TMEM232: variants seen among roughly 807,000 people sequenced by gnomAD.
TMEM232 encodes transmembrane protein 232.
A neutral mutation model predicts 78.8 loss-of-function variants in TMEM232; 80 were observed. That is an observed-to-expected ratio of 1.01 (90% CI 0.85 to 1.22). The LOEUF is 1.22. TMEM232 is among the 50% of genes most tolerant of loss of function. The pLI is 0.00. For missense variants in TMEM232, 881 were observed against 742.2 expected, an observed-to-expected ratio of 1.19 and a Z score of -2.17; for synonymous variants, 297 against 254.3, an observed-to-expected ratio of 1.17 and a Z score of -1.60.
At chr5:110,590,279 T>C (rs1162666431) in intron 10 of TMEM232, among the ~76,000 whole-genome samples, 1 of 152,074 alleles carries the variant, frequency 6.6e-6, no homozygotes, top group Non-Finnish European at 1.5e-5. Context: ...TCCTCTAGAT[T>C]CTTCAAGTTC....
intron 12 of TMEM232, among the ~76,000 whole-genome samples, chr5:110,456,542 AT>A (rs1760922385): frequency 6.6e-6 from 1 of 152,138 alleles, no homozygotes; most frequent in African/African-American, 2.4e-5. Flanking sequence ...AGATAAACTG[AT>A]TATAGAACTT....
intron 10 of TMEM232, among the ~76,000 whole-genome samples, chr5:110,589,277 G>GA (rs1779214681): frequency 6.6e-6 from 1 of 152,082 alleles, no homozygotes; most frequent in Admixed American, 6.6e-5. Flanking sequence ...TATAACATGG[G>GA]AAGTGTTTTA....
chr5:110,640,792 T>G, intron 4 of TMEM232, 99 bp downstream of exon 4: 1 of 746,558 alleles, frequency 1.3e-6, no homozygotes, highest in Non-Finnish European at 1.9e-6. Flanking sequence ...AAATTTCTTG[T>G]CTTCTGCACA....
chr5:110,674,838 T>C (rs1259307212), intron 1 of TMEM232, among the ~76,000 whole-genome samples: 2 of 152,212 alleles, frequency 1.3e-5, no homozygotes, highest in Non-Finnish European at 2.9e-5. Flanking sequence ...AAACTATTTT[T>C]CATTGCAACT....
intron 1 of TMEM232, among the ~76,000 whole-genome samples, chr5:110,677,020 C>T (rs910897410): frequency 6.6e-6 from 1 of 152,126 alleles, no homozygotes; most frequent in African/African-American, 2.4e-5. Flanking sequence ...CATAGCCTCC[C>T]AAAATGCTGG....
At chr5:110,479,098 C>T (rs1286610471) in intron 12 of TMEM232, among the ~76,000 whole-genome samples, 4 of 151,398 alleles carry the variant, frequency 2.6e-5, no homozygotes, top group Non-Finnish European at 5.9e-5. Flanking sequence ...TATATAGCTT[C>T]GTGACTTCCC....
At chr5:110,640,028 C>A (rs561025473) in intron 4 of TMEM232, among the ~76,000 whole-genome samples, 1 of 152,184 alleles carries the variant, frequency 6.6e-6, no homozygotes, top group Non-Finnish European at 1.5e-5. Context: ...TCACCCCCCT[C>A]GGGTTGGGCA....
At chr5:110,608,192 G>A (rs1231515338) in intron 8 of TMEM232, among the ~76,000 whole-genome samples, 1 of 151,734 alleles carries the variant, frequency 6.6e-6, no homozygotes, top group African/African-American at 2.4e-5. Context: ...TAATTTACTT[G>A]TCTATAAAGA....
intron 11 of TMEM232, among the ~76,000 whole-genome samples, chr5:110,554,078 G>A (rs1328148897): frequency 2.0e-5 from 3 of 152,114 alleles, no homozygotes; most frequent in Non-Finnish European, 4.4e-5. Flanking sequence ...GGTTAATACT[G>A]AGTGTCAACT....
intron 12 of TMEM232, among the ~76,000 whole-genome samples, chr5:110,437,011 G>C (rs1328912383): frequency 6.6e-6 from 1 of 151,906 alleles, no homozygotes; most frequent in Admixed American, 6.6e-5. Flanking sequence ...TACTCATAGG[G>C]ATTGCACTGA....
intron 6 of TMEM232, 60 bp downstream of exon 6, chr5:110,627,721 C>A: frequency 1.7e-6 from 2 of 1,176,976 alleles, no homozygotes; most frequent in South Asian, 3.1e-5. Flanking sequence ...TAGTGACAGT[C>A]TGAGCTTATC....
At chr5:110,500,887 G>A (rs376345916) in intron 12 of TMEM232, among the ~76,000 whole-genome samples, 13 of 152,066 alleles carry the variant, frequency 8.5e-5, no homozygotes, top group Non-Finnish European at 1.6e-4. Context: ...TAAAGCTTTA[G>A]GTTTTCATCT....
chr5:110,432,465 CA>C (rs1296192566), intron 12 of TMEM232, among the ~76,000 whole-genome samples: 3 of 151,474 alleles, frequency 2.0e-5, no homozygotes, highest in Non-Finnish European at 3.0e-5. Flanking sequence ...ACTGGCCCTC[CA>C]AAAAATGCTT....
chr5:110,408,044 CA>C (rs1287585620), intron 2 of TMEM232, among the ~76,000 whole-genome samples: 1 of 151,778 alleles, frequency 6.6e-6, no homozygotes, highest in Non-Finnish European at 1.5e-5. Flanking sequence ...AATGGAAATA[CA>C]ACACACCAAA....
intron 2 of TMEM232, among the ~76,000 whole-genome samples, chr5:110,400,541 G>T (rs1191183354): frequency 6.6e-6 from 1 of 151,866 alleles, no homozygotes; most frequent in Non-Finnish European, 1.5e-5. Context: ...ACATACATCA[G>T]ATGTCATATG....
At chr5:110,518,509 C>G (rs1769025187) in intron 12 of TMEM232, among the ~76,000 whole-genome samples, 1 of 152,098 alleles carries the variant, frequency 6.6e-6, no homozygotes, top group Non-Finnish European at 1.5e-5. Context: ...ATGAAATACA[C>G]TAAAGTATTT....
intron 2 of TMEM232, among the ~76,000 whole-genome samples, chr5:110,647,049 G>A (rs1787598349): frequency 6.6e-6 from 1 of 151,624 alleles, no homozygotes; most frequent in South Asian, 2.1e-4. Flanking sequence ...GACTTCCAGA[G>A]AGTTATAATT....
chr5:110,398,980 G>T (rs1321591067), intron 2 of TMEM232, among the ~76,000 whole-genome samples: 1 of 151,988 alleles, frequency 6.6e-6, no homozygotes, highest in Admixed American at 6.6e-5. Flanking sequence ...GACATCTGGG[G>T]GTATTTCTGG....
At chr5:110,681,619 T>A (rs1419038465) in intron 1 of TMEM232, among the ~76,000 whole-genome samples, 1 of 152,222 alleles carries the variant, frequency 6.6e-6, no homozygotes, top group Admixed American at 6.5e-5. Context: ...TTGTTGGACC[T>A]AAATTCTCAA....
Sources: allele counts gnomAD v4.1 joint callset (sites outside exome capture counted in the v4.1 genomes callset), GRCh38; gene constraint gnomAD v4.1.1; transcripts MANE v1.5; gene names NCBI Gene and HGNC (gene_info 2026-07-23, HGNC 2026-07-21).